The following ASIC2 variants were observed in gnomAD, a reference collection of about 807,000 sequenced individuals.
ASIC2 encodes acid-sensing ion channel 2.
A neutral mutation model predicts 57.3 loss-of-function variants in ASIC2; 25 were observed. The observed-to-expected ratio is 0.44, with a 90% confidence interval of 0.32 to 0.61. ASIC2 has a LOEUF of 0.61. Ranked by LOEUF, ASIC2 falls within the 20% of genes least tolerant of loss-of-function variation. ASIC2 has a pLI of 0.06. For synonymous variants in ASIC2, 319 were observed against 307.5 expected, an observed-to-expected ratio of 1.04 and a Z score of -0.39; for missense variants, 641 against 738.1, an observed-to-expected ratio of 0.87 and a Z score of 1.52.
intron 1 of ASIC2, among the ~76,000 whole-genome samples, chr17:33,651,804 A>C (rs1274854260): frequency 6.6e-6 from 1 of 152,198 alleles, no homozygotes; most frequent in African/African-American, 2.4e-5. Flanking sequence ...CAACTTGCAG[A>C]CAGCTCCTTC....
intron 1 of ASIC2, among the ~76,000 whole-genome samples, chr17:33,584,712 G>A (rs1904557224): frequency 6.6e-6 from 1 of 152,144 alleles, no homozygotes; most frequent in South Asian, 2.1e-4. Flanking sequence ...TTGATGGGTT[G>A]TGGAGGGACA....
At chr17:33,443,405 G>GTTTTTTTTTTTT (rs1567862521) in intron 1 of ASIC2, among the ~76,000 whole-genome samples, 1 of 99,478 alleles carries the variant, frequency 1.0e-5, no homozygotes, top group Admixed American at 1.0e-4. Context: ...TGGAGGGTAA[G>GTTTTTTTTTTTT]ATTTTTTTTT....
intron 1 of ASIC2, among the ~76,000 whole-genome samples, chr17:33,711,167 G>T (rs1352047132): frequency 6.6e-6 from 1 of 152,142 alleles, no homozygotes; most frequent in African/African-American, 2.4e-5. Context: ...CAATTTGAAG[G>T]TGCAGCGGGG....
rs188109056 is a variant in ASIC2, at chr17:34,062,044, A to G, written c.555+93934T>C. Among the ~76,000 whole-genome samples the G allele has an allele frequency of 3.3e-5, 5 of 152,298 alleles. No homozygotes were observed. The East Asian group carries it at 9.6e-4, about 29-fold the overall frequency. On this transcript the variant is annotated intron_variant, in intron 1 of 9. Transcript: ENST00000359872. ...AAATGGACTTAGATATGTACCGAACATTTCATCCAACAACCATAGAATACA... is the reference window on the plus strand; with the variant it reads ...AAATGGACTTAGATATGTACCGAACGTTTCATCCAACAACCATAGAATACA...
chr17:33,205,260 A>C (rs572891586), intron 1 of ASIC2, among the ~76,000 whole-genome samples: 1 of 152,152 alleles, frequency 6.6e-6, no homozygotes, highest in South Asian at 2.1e-4. Context: ...CCCTTGCATC[A>C]CCTGATTCTG....
At chr17:34,118,546 G>A (rs1354514711) in intron 1 of ASIC2, 1 of 152,188 alleles carries the variant, frequency 6.6e-6, no homozygotes, top group African/African-American at 2.4e-5. Context: ...CCACGTTCTT[G>A]GCCACTATCA....
intron 1 of ASIC2, among the ~76,000 whole-genome samples, chr17:33,685,227 G>A (rs945882924): frequency 2.0e-5 from 3 of 152,142 alleles, no homozygotes; most frequent in Non-Finnish European, 2.9e-5. Flanking sequence ...TTCCAGATAA[G>A]TAGAAACCAA....
chr17:33,826,649 C>T (rs1033899389), intron 1 of ASIC2, among the ~76,000 whole-genome samples: 1 of 152,146 alleles, frequency 6.6e-6, no homozygotes, highest in African/African-American at 2.4e-5. Flanking sequence ...CCATCACATG[C>T]TTTTTCTACC....
intron 1 of ASIC2, among the ~76,000 whole-genome samples, chr17:33,928,524 A>C (rs902737522): frequency 6.6e-6 from 1 of 152,220 alleles, no homozygotes; most frequent in Non-Finnish European, 1.5e-5. Context: ...CAGCTGGCCC[A>C]AGTGCAGCCA....
chr17:33,858,434 G>A (rs1914018839), intron 1 of ASIC2, among the ~76,000 whole-genome samples: 1 of 152,218 alleles, frequency 6.6e-6, no homozygotes, highest in Non-Finnish European at 1.5e-5. Flanking sequence ...CAGTCCGGGA[G>A]CGATTCCCTC....
At chr17:33,064,801 T>C (rs555480965) in intron 3 of ASIC2, among the ~76,000 whole-genome samples, 1 of 152,374 alleles carries the variant, frequency 6.6e-6, no homozygotes, top group South Asian at 2.1e-4. Context: ...TATTCGGCCA[T>C]CTTGGAACCC....
intron 1 of ASIC2, among the ~76,000 whole-genome samples, chr17:33,762,768 G>A (rs1910824177): frequency 6.6e-6 from 1 of 152,206 alleles, no homozygotes; most frequent in Non-Finnish European, 1.5e-5. Flanking sequence ...AGGGCACTGG[G>A]TGTCCCATGT....
At chr17:33,672,791 C>T (rs1907679182) in intron 1 of ASIC2, among the ~76,000 whole-genome samples, 1 of 152,180 alleles carries the variant, frequency 6.6e-6, no homozygotes, top group African/African-American at 2.4e-5. Flanking sequence ...CCAGGAATCT[C>T]CAGTCTGGCG....
chr17:33,154,062 G>C (rs139957446), intron 1 of ASIC2, among the ~76,000 whole-genome samples: 64 of 152,216 alleles, frequency 4.2e-4, no homozygotes, highest in African/African-American at 1.4e-3. Flanking sequence ...TCTGCTTCCT[G>C]GGAACTAGGG....
At chr17:33,506,328 G>T (rs1914258363) in intron 1 of ASIC2, among the ~76,000 whole-genome samples, 1 of 151,842 alleles carries the variant, frequency 6.6e-6, no homozygotes, top group African/African-American at 2.4e-5. Flanking sequence ...CCGGCGAATG[G>T]TGTGAACCCG....
chr17:33,464,695 ATATATATATG>A (rs1339504944), intron 1 of ASIC2, among the ~76,000 whole-genome samples: 1 of 128,354 alleles, frequency 7.8e-6, no homozygotes, highest in Admixed American at 8.0e-5. Context: ...CTCTATATAT[ATATATATATG>A]TATATATATG....
chr17:33,125,344 G>A (rs185538500), intron 1 of ASIC2, among the ~76,000 whole-genome samples: 1 of 152,340 alleles, frequency 6.6e-6, no homozygotes, highest in Non-Finnish European at 1.5e-5. Context: ...AGCTTTTTAA[G>A]TTGGGCTAAT....
intron 1 of ASIC2, among the ~76,000 whole-genome samples, chr17:33,415,626 C>T (rs1201845219): frequency 6.6e-6 from 1 of 151,966 alleles, no homozygotes; most frequent in Non-Finnish European, 1.5e-5. Context: ...ATGCTGGGAA[C>T]ATCCGGGGCC....
At chr17:33,022,080 T>C (rs1277723617) in intron 6 of ASIC2, among the ~76,000 whole-genome samples, 1 of 152,078 alleles carries the variant, frequency 6.6e-6, no homozygotes, top group Non-Finnish European at 1.5e-5. Flanking sequence ...CTGGGGACAG[T>C]GTTGGCAAGA....
Sources: allele counts gnomAD v4.1 joint callset (sites outside exome capture counted in the v4.1 genomes callset), GRCh38; gene constraint gnomAD v4.1.1; transcripts MANE v1.5; gene names NCBI Gene and HGNC (gene_info 2026-07-23, HGNC 2026-07-21).